Variants in C5orf46 observed in about 807,000 individuals in gnomAD.
C5orf46 encodes uncharacterized protein C5orf46.
A neutral mutation model predicts 8.9 loss-of-function variants in C5orf46; 9 were observed. The observed-to-expected ratio is 1.01, with a 90% CI of 0.61 to 1.76. C5orf46 has a LOEUF of 1.76. Among genes scored for constraint, C5orf46 ranks in the 40% most tolerant of loss-of-function variants. The pLI is 0.00. For missense variants in C5orf46, 98 were observed against 107.8 expected, an observed-to-expected ratio of 0.91 and a Z score of 0.40; for synonymous variants, 47 against 41.4, an observed-to-expected ratio of 1.14 and a Z score of -0.52.
chr5:147,902,029 A>AACCAAAGAAGG (rs1757679999), intron 1 of C5orf46, among the ~76,000 whole-genome samples: 2 of 152,222 alleles, frequency 1.3e-5, no homozygotes, highest in South Asian at 4.1e-4. Context: ...TGAGTGAGAA[A>AACCAAAGAAGG]ACCAAAGTTC....
intron 2 of C5orf46, among the ~76,000 whole-genome samples, chr5:147,897,922 T>C (rs80239327): frequency 0.018 from 2,690 of 152,204 alleles, 85 homozygotes; most frequent in African/African-American, 0.062. Context: ...TCATTAGTCA[T>C]TGGGGCTTCA....
chr5:147,889,721 C>A (rs1435882085), downstream of C5orf46, among the ~76,000 whole-genome samples: 1 of 152,128 alleles, frequency 6.6e-6, no homozygotes, highest in African/African-American at 2.4e-5. Flanking sequence ...ATCAGTCACA[C>A]AGACTTTTGT....
chr5:147,894,453 T>C (rs1187446063), intron 3 of C5orf46, among the ~76,000 whole-genome samples: 2 of 152,198 alleles, frequency 1.3e-5, no homozygotes. Context: ...TTCCAAATAC[T>C]GTACCTCTCT....
downstream of C5orf46, chr5:147,892,618 T>C (rs1338912217): frequency 6.6e-6 from 1 of 152,136 alleles, no homozygotes; most frequent in Non-Finnish European, 1.5e-5. Context: ...CTGTTGAATA[T>C]ATAAATATAT....
chr5:147,901,539 G>T, intron 2 of C5orf46, 90 bp downstream of exon 2: 9 of 1,182,060 alleles, frequency 7.6e-6, no homozygotes, highest in Non-Finnish European at 8.2e-6. Flanking sequence ...CACAAATTTT[G>T]TTTCTCATGT....
At chr5:147,901,102 T>C (rs1460250182) in intron 2 of C5orf46, among the ~76,000 whole-genome samples, 2 of 152,146 alleles carry the variant, frequency 1.3e-5, no homozygotes, top group African/African-American at 2.4e-5. Flanking sequence ...GCTAACCTTC[T>C]TGAGCTACTC....
downstream of C5orf46, among the ~76,000 whole-genome samples, chr5:147,890,667 C>T (rs986852282): frequency 1.3e-5 from 2 of 151,932 alleles, no homozygotes; most frequent in African/African-American, 4.8e-5. Context: ...GCCATGTGGC[C>T]ACCTCGCGAA....
chr5:147,889,024 C>T (rs1757462233), downstream of C5orf46, among the ~76,000 whole-genome samples: 3 of 151,844 alleles, frequency 2.0e-5, no homozygotes, highest in Admixed American at 2.0e-4. Flanking sequence ...TTTGATCTTG[C>T]AATTCAATTT....
intron 2 of C5orf46, among the ~76,000 whole-genome samples, chr5:147,898,353 A>T (rs1303387299): frequency 6.6e-6 from 1 of 152,140 alleles, no homozygotes; most frequent in Non-Finnish European, 1.5e-5. Flanking sequence ...GGTGATGATG[A>T]GCAGGAAGGA....
chr5:147,886,185 G>A (rs866043319), intron 2 of C5orf46: 1 of 152,044 alleles, frequency 6.6e-6, no homozygotes, highest in Non-Finnish European at 1.5e-5. Flanking sequence ...AGACGATGGG[G>A]GCAGGAAGGA....
At position 147,901,809 on chromosome 5, in the gene C5orf46, C is replaced by T. The variant is rs141509783; in HGVS notation, c.71-36G>A. 725 of 1,598,400 alleles carry T rather than the reference C, an allele frequency of 4.5e-4. 6 individuals carry two copies. The East Asian group carries it at 7.3e-3, about 16-fold the overall frequency. On this transcript the variant is annotated intron_variant, in intron 1 of 3. Transcript: ENST00000318315. ...ACAGAATCTCAGAGGTGATTCTCAG[C>T]AACAAAGAAGGAATCATTCTTTCTG...
downstream of C5orf46, among the ~76,000 whole-genome samples, chr5:147,890,815 G>A (rs1411217009): frequency 6.6e-6 from 1 of 151,898 alleles, no homozygotes; most frequent in African/African-American, 2.4e-5. Flanking sequence ...AGGAAGGGAA[G>A]TGAATAACTC....
chr5:147,890,699 A>C (rs1757490169), downstream of C5orf46, among the ~76,000 whole-genome samples: 1 of 152,120 alleles, frequency 6.6e-6, no homozygotes, highest in Non-Finnish European at 1.5e-5. Flanking sequence ...GGCACAGGGA[A>C]GAGGAAATGT....
chr5:147,901,580 A>C (rs1427284541), intron 2 of C5orf46, 49 bp downstream of exon 2: 2 of 1,577,046 alleles, frequency 1.3e-6, no homozygotes, highest in Non-Finnish European at 1.7e-6. Flanking sequence ...TTGTGTGGTC[A>C]TTATCAACAG....
chr5:147,903,971 C>T (rs966765079), intron 1 of C5orf46, among the ~76,000 whole-genome samples: 1 of 152,128 alleles, frequency 6.6e-6, no homozygotes, highest in African/African-American at 2.4e-5. Context: ...TGGTCTCGAA[C>T]TCCTGGGCTT....
At chr5:147,893,816 G>C (rs1561629724) in intron 3 of C5orf46, among the ~76,000 whole-genome samples, 1 of 152,044 alleles carries the variant, frequency 6.6e-6, no homozygotes, top group Non-Finnish European at 1.5e-5. Context: ...GCTGGGATTT[G>C]GTAGGCACCT....
At chr5:147,893,251 T>C (rs1757528746) in intron 3 of C5orf46, among the ~76,000 whole-genome samples, 1 of 149,384 alleles carries the variant, frequency 6.7e-6, no homozygotes, top group Admixed American at 6.7e-5. Context: ...AGATAGGTGA[T>C]GAAAAAGAAA....
Position 147,901,671 on chromosome 5 carries a change from T to G in C5orf46, c.173A>C (p.Glu58Ala), listed in dbSNP as rs761936144. ...GCGGAGGATGAACTCGACTGCATTCTCAATGATCTCTGTGCCCAGGAGGCT... is the reference window on the plus strand; with the variant it reads ...GCGGAGGATGAACTCGACTGCATTCGCAATGATCTCTGTGCCCAGGAGGCT... Reference protein sequence around the residue: ...FLSLLGTEIIENAVEFILRSM... With the variant: ...FLSLLGTEIIANAVEFILRSM... The change falls in exon 2 of 4, where the codon GAG becomes GCG. Residue 58 changes from glutamate to alanine, a missense_variant. Coordinates refer to ENST00000318315, the MANE Select transcript of C5orf46 (RefSeq NM_206966.3). The G allele has an allele frequency of 1.9e-6, 3 of 1,614,140 alleles. No homozygotes were observed. The highest frequency in any genetic ancestry group is 8.5e-7 in the Non-Finnish European group (1 of 1,180,004).
rs1164379173 is a variant in C5orf46 at position 147,886,458 on chromosome 5, TATC to T, written n.205-5367_205-5365del. On this transcript the variant is annotated intron_variant and non_coding_transcript_variant, in intron 2 of 2. Transcript: ENST00000510432. ...GAATATAGAAATATATACATATAATTATCATATAATCATATGGAATATAATTAA... is the reference window on the plus strand; with the variant it reads ...GAATATAGAAATATATACATATAATTATATAATCATATGGAATATAATTAA... 22 of 146,158 alleles carry T rather than the reference TATC, an allele frequency of 1.5e-4. 1 individual carries two copies. The East Asian group carries it at 3.8e-3, about 25-fold the overall frequency. The allele number at this position is 146,158 out of a possible 1,614,324, so 9.1% of individuals were successfully genotyped here.
Sources: gnomAD v4.1 joint callset for allele counts (sites outside exome capture counted in the v4.1 genomes callset) on GRCh38, gnomAD v4.1.1 for gene constraint, MANE v1.5 for transcripts, NCBI Gene and HGNC (gene_info 2026-07-23, HGNC 2026-07-21) for gene names.